DYM: variants seen among roughly 807,000 people sequenced by gnomAD.
DYM encodes the protein dyggve-Melchior-Clausen syndrome protein.
In DYM, 78 loss-of-function variants were observed where a neutral mutation model predicts 93.1. The ratio of observed to expected loss-of-function variants is 0.84; its 90% CI spans 0.70 to 1.01. The LOEUF is 1.01. Among genes scored for constraint, DYM ranks in the 50% least tolerant of loss-of-function variants. DYM has a pLI of 0.00. For missense variants in DYM, 789 were observed against 845.0 expected, an observed-to-expected ratio of 0.93 and a Z score of 0.82; for synonymous variants, 321 against 319.7, an observed-to-expected ratio of 1.00 and a Z score of -0.04.
chr18:49,278,094 T>A (rs1205979686), intron 10 of DYM, among the ~76,000 whole-genome samples: 3 of 151,986 alleles, frequency 2.0e-5, no homozygotes, highest in African/African-American at 4.8e-5. Context: ...TAAAAAAAAA[T>A]TTTCCTTTTT....
intron 14 of DYM, among the ~76,000 whole-genome samples, chr18:49,202,794 C>T (rs1442638323): frequency 2.3e-5 from 1 of 44,212 alleles, no homozygotes; most frequent in Non-Finnish European, 4.6e-5. Flanking sequence ...CCCCTCCGCC[C>T]GGCAGCTGCC....
intron 13 of DYM, among the ~76,000 whole-genome samples, chr18:49,229,601 A>G (rs1470399839): frequency 6.6e-6 from 1 of 152,208 alleles, no homozygotes; most frequent in Non-Finnish European, 1.5e-5. Flanking sequence ...AATGGCTTTT[A>G]CAAAAAGCAA....
intron 16 of DYM, among the ~76,000 whole-genome samples, chr18:49,104,129 TC>T (rs2080508208): frequency 6.6e-6 from 1 of 152,166 alleles, no homozygotes; most frequent in African/African-American, 2.4e-5. Flanking sequence ...ATCCTTCACA[TC>T]CCTTGTAAGT....
At chr18:49,289,370 A>T (rs573126823) in intron 8 of DYM, among the ~76,000 whole-genome samples, 1 of 147,446 alleles carries the variant, frequency 6.8e-6, no homozygotes, top group Admixed American at 6.9e-5. Context: ...TAACATGCAT[A>T]ACAAAAGGAT....
At chr18:49,159,559 C>T (rs2086848325) in intron 15 of DYM, among the ~76,000 whole-genome samples, 1 of 152,102 alleles carries the variant, frequency 6.6e-6, no homozygotes, top group Admixed American at 6.5e-5. Context: ...ATATGGATGG[C>T]TTTTACTCTT....
chr18:49,416,692 T>C (rs190516039), intron 2 of DYM, among the ~76,000 whole-genome samples: 13 of 152,316 alleles, frequency 8.5e-5, no homozygotes, highest in Non-Finnish European at 1.5e-4. Flanking sequence ...TTGCTGCAGA[T>C]GTCTCAGATT....
At chr18:49,455,081 G>A (rs1310490658) in intron 1 of DYM, among the ~76,000 whole-genome samples, 1 of 152,108 alleles carries the variant, frequency 6.6e-6, no homozygotes, top group Non-Finnish European at 1.5e-5. Context: ...AAAGTAAGCT[G>A]AGGCTTGACG....
At chr18:49,278,124 C>T (rs1402259211) in intron 10 of DYM, among the ~76,000 whole-genome samples, 1 of 152,154 alleles carries the variant, frequency 6.6e-6, no homozygotes, top group Non-Finnish European at 1.5e-5. Context: ...ATAAAAACCA[C>T]ATTCAGAAAA....
chr18:49,109,609 C>T (rs1381381648), intron 16 of DYM, among the ~76,000 whole-genome samples: 1 of 152,156 alleles, frequency 6.6e-6, no homozygotes, highest in Non-Finnish European at 1.5e-5. Flanking sequence ...TTAGTCACAG[C>T]AATAGCAGTG....
intron 14 of DYM, among the ~76,000 whole-genome samples, chr18:49,167,559 C>A (rs1415555676): frequency 6.6e-6 from 1 of 152,104 alleles, no homozygotes; most frequent in Non-Finnish European, 1.5e-5. Context: ...TTTTATTTAA[C>A]ATTTTTAAGG....
chr18:49,324,566 T>G (rs1014142997), intron 8 of DYM, among the ~76,000 whole-genome samples: 7 of 152,210 alleles, frequency 4.6e-5, no homozygotes, highest in African/African-American at 1.7e-4. Context: ...AAAAGCCAGT[T>G]GGAGAAAACA....
rs781066600 is a variant in DYM at position 49,163,719 on chromosome 18, G to A, written c.1694C>T (p.Ser565Leu). Residue 565 changes from serine to leucine, a missense_variant, in exon 15 of 18, where the codon TCG becomes TTG. This residue lies in a region of DYM where 225 missense variants were observed against 303.0 expected (regional missense o/e 0.74). Transcript: ENST00000675505. The stretch of plus-strand genomic sequence containing the variant: ...TAGAGGAACATCATTAGAACTCAGC[G>A]AACCTCTCAAGGACTGTGTGGCTTG... ...LEQATQSLRG[S>L]LSSNDVPLPD... The A allele has an allele frequency of 1.4e-5, 23 of 1,612,428 alleles. No homozygotes were observed. The highest frequency in any genetic ancestry group is 8.0e-5 in the African/African-American group (6 of 74,858).
chr18:49,150,079 A>G (rs1310481992), intron 15 of DYM, among the ~76,000 whole-genome samples: 1 of 152,206 alleles, frequency 6.6e-6, no homozygotes, highest in East Asian at 1.9e-4. Flanking sequence ...GAGAATGTTT[A>G]TAACTTATAG....
chr18:49,161,974 A>G (rs928282157), intron 15 of DYM, among the ~76,000 whole-genome samples: 1 of 152,220 alleles, frequency 6.6e-6, no homozygotes, highest in Non-Finnish European at 1.5e-5. Flanking sequence ...AAGTTTCTAA[A>G]TACCAATCCA....
intron 1 of DYM, among the ~76,000 whole-genome samples, chr18:49,443,569 G>C (rs80166372): frequency 6.6e-6 from 1 of 152,080 alleles, no homozygotes; most frequent in Non-Finnish European, 1.5e-5. Flanking sequence ...AAAGCATCAC[G>C]AAGCTGTGCC....
At chr18:49,080,412 G>A (rs575826837) in intron 17 of DYM, among the ~76,000 whole-genome samples, 1,437 of 136,380 alleles carry the variant, frequency 0.011, 44 homozygotes, top group African/African-American at 0.039. Context: ...CCTCCCGGAC[G>A]GGGTGGCTGG....
chr18:49,146,927 C>A lies in DYM; in HGVS notation c.1728+16758G>T, dbSNP rs942547114. 1.0e-2 allele frequency among the ~76,000 whole-genome samples: 1,519 copies of A among 152,004 alleles called. 22 individuals carry two copies. The highest frequency in any genetic ancestry group is 0.034 in the African/African-American group (1,390 of 41,454). Reference sequence around the variant, plus strand: ...AAAAGAACAAAGCTGGAGGCATCACCCTACCTGACTTCAAACTACACTACA... The same window carrying A: ...AAAAGAACAAAGCTGGAGGCATCACACTACCTGACTTCAAACTACACTACA... On this transcript the variant is annotated intron_variant, in intron 15 of 17. Coordinates refer to ENST00000675505, the MANE Select transcript of DYM (RefSeq NM_001353214.3).
intron 5 of DYM, among the ~76,000 whole-genome samples, chr18:49,374,039 T>C (rs551646049): frequency 6.6e-6 from 1 of 152,268 alleles, no homozygotes; most frequent in Admixed American, 6.5e-5. Context: ...AAATAGTAAA[T>C]TAAACATATC....
chr18:49,310,285 G>A (rs2061511958), intron 8 of DYM, among the ~76,000 whole-genome samples: 1 of 152,098 alleles, frequency 6.6e-6, no homozygotes, highest in African/African-American at 2.4e-5. Flanking sequence ...TTAATCAAAG[G>A]TCTTTTTGAA....
Sources: gnomAD v4.1 joint callset for allele counts (sites outside exome capture counted in the v4.1 genomes callset) on GRCh38, gnomAD v4.1.1 for gene constraint, gnomAD v4.1.1 regional missense constraint, MANE v1.5 for transcripts, NCBI Gene and HGNC (gene_info 2026-07-23, HGNC 2026-07-21) for gene names.